Variants in PDGFA observed in about 807,000 individuals in gnomAD.
PDGFA encodes the protein platelet derived growth factor subunit A, also known as platelet-derived growth factor subunit A.
Under a neutral mutation model 25.6 loss-of-function variants are expected in PDGFA, and 9 were observed. That is an observed-to-expected ratio of 0.35 (90% CI 0.21 to 0.61). PDGFA has a LOEUF of 0.61. Ranked by LOEUF, PDGFA falls within the 20% of genes least tolerant of loss-of-function variation. The probability of loss-of-function intolerance (pLI) is 0.75; values close to 1 mark genes in which losing one functional copy is unlikely to be tolerated. For synonymous variants in PDGFA, 133 were observed against 111.8 expected (o/e 1.19, Z -1.20); for missense variants, 242 against 272.8 (o/e 0.89, Z 0.79).
In PDGFA at chr7:502,716, C is replaced by T. The variant is rs149195054; in HGVS notation, c.454-1474G>A. Among the ~76,000 whole-genome samples, 817 of 151,922 alleles carry T rather than the reference C, an allele frequency of 5.4e-3. 12 individuals are homozygous for T. The highest frequency in any genetic ancestry group is 0.019 in the African/African-American group (781 of 41,462). ...GGGGAGCTGCAGGCAGACAATGGCC[C>T]AGTCCAGGCCAGAGAGGGGAGCTTC... On this transcript the variant is annotated intron_variant, in intron 4 of 5. Transcript: ENST00000402802.
intron 4 of PDGFA, among the ~76,000 whole-genome samples, chr7:505,093 G>A (rs1020048623): frequency 6.6e-6 from 1 of 152,228 alleles, no homozygotes; most frequent in African/African-American, 2.4e-5. Context: ...GTCTGGCCAG[G>A]AAATAGCTAC....
intron 2 of PDGFA, among the ~76,000 whole-genome samples, chr7:513,621 G>A (rs1782963131): frequency 6.6e-6 from 1 of 152,118 alleles, no homozygotes; most frequent in African/African-American, 2.4e-5. Flanking sequence ...CTCCTGGGAA[G>A]CTTGGGAAGT....
At chr7:508,112 G>A (rs1370054370) in intron 4 of PDGFA, among the ~76,000 whole-genome samples, 7 of 152,234 alleles carry the variant, frequency 4.6e-5, no homozygotes, top group East Asian at 3.9e-4. Context: ...GTCGTGTGAC[G>A]AGGAAACGAC....
chr7:501,298 C>T (rs904013707), intron 4 of PDGFA, 56 bp from the exon 5 acceptor site: 30 of 1,607,168 alleles, frequency 1.9e-5, no homozygotes, highest in South Asian at 1.8e-4. Flanking sequence ...TCGGACATCA[C>T]GACGTGCTGG....
chr7:508,559 C>CAAAAAAAAAAAAAAAAAAAAAA (rs766165770), intron 4 of PDGFA, among the ~76,000 whole-genome samples: 1 of 35,664 alleles, frequency 2.8e-5, no homozygotes, highest in Non-Finnish European at 4.9e-5. Context: ...GAAGCTGTCC[C>CAAAAAAAAAAAAAAAAAAAAAA]AAAAAAAAAA....
In PDGFA at chr7:500,470, T is replaced by G; in HGVS notation, c.580+646A>C. ...TAGGTGGGTTTTAACCTTTTTCTTT[T>G]CCGTTTTTTACCTGACTCCCTAGGC... On this transcript the variant is annotated intron_variant, in intron 5 of 5. Transcript: ENST00000402802. The surrounding 1 kb of genome is among the most constrained non-coding windows in gnomAD (Gnocchi z 5.0). The G allele has an allele frequency of 6.2e-7, 1 of 1,614,076 alleles. No individual in the cohort carries two copies. Among genetic ancestry groups the G allele is most frequent in the South Asian group, 1.1e-5 (1 of 91,074 alleles).
At chr7:505,238 A>G (rs1178859768) in intron 4 of PDGFA, among the ~76,000 whole-genome samples, 1 of 152,190 alleles carries the variant, frequency 6.6e-6, no homozygotes, top group African/African-American at 2.4e-5. Flanking sequence ...CCAGGCCCCA[A>G]GCCGAAGCCC....
exon 5 of PDGFA, chr7:501,216 C>T: frequency 6.2e-7 from 1 of 1,614,208 alleles, no homozygotes; most frequent in Non-Finnish European, 8.5e-7. Flanking sequence ...ATTTTGGCTT[C>T]TTCCTGACGT....
At chr7:519,052 G>A (rs931892151) in exon 1 of PDGFA, 1 of 1,433,978 alleles carries the variant, frequency 7.0e-7, no homozygotes, top group Non-Finnish European at 9.4e-7. Flanking sequence ...CGCGGGGCGG[G>A]CGCTCCAGCC....
exon 6 of PDGFA, chr7:498,443 C>G: frequency 1.1e-6 from 1 of 929,370 alleles, no homozygotes; most frequent in Middle Eastern, 2.2e-4. Context: ...TGTTCTCGGA[C>G]ACAGTTTTTC....
At chr7:511,093 A>T in intron 3 of PDGFA, 97 bp from the exon 4 acceptor site, 1 of 933,322 alleles carries the variant, frequency 1.1e-6, no homozygotes, top group Non-Finnish European at 1.7e-6. Context: ...GGGGGCAACC[A>T]GGGTAAGCCA....
intron 2 of PDGFA, among the ~76,000 whole-genome samples, chr7:516,678 C>T (rs1241102027): frequency 6.6e-6 from 1 of 152,126 alleles, no homozygotes; most frequent in African/African-American, 2.4e-5. Context: ...CGTGGTCCAC[C>T]GGGGTCCCCC....
exon 6 of PDGFA, chr7:497,331 AAC>A (rs1369990158): frequency 6.6e-6 from 1 of 152,172 alleles, no homozygotes; most frequent in Non-Finnish European, 1.5e-5. Flanking sequence ...AGGTATACAA[AAC>A]AGGTAATATT....
chr7:507,210 G>T (rs1163036852), intron 4 of PDGFA, among the ~76,000 whole-genome samples: 1 of 152,252 alleles, frequency 6.6e-6, no homozygotes, highest in Admixed American at 6.5e-5. Flanking sequence ...TCGGATGGGT[G>T]GGCAGGGAGA....
At chr7:509,500 A>C (rs1485798301) in intron 4 of PDGFA, among the ~76,000 whole-genome samples, 3 of 152,066 alleles carry the variant, frequency 2.0e-5, no homozygotes, top group African/African-American at 4.8e-5. Flanking sequence ...CATGTTACCC[A>C]GGCTGGTCTT....
In PDGFA at chr7:511,146, C is replaced by T. The variant is rs1373095496; in HGVS notation, c.266-150G>A. The T allele has an allele frequency of 1.1e-5, 7 of 647,222 alleles. No individual in the cohort carries two copies. In the African/African-American group the frequency reaches 1.3e-4, roughly 12 times the overall value. 40.1% of individuals were successfully genotyped at this position (647,222 alleles called of 1,614,324 possible). Reference sequence around the variant, plus strand: ...CAGGCAGCAGAGGCTGAGCTGGGAGCAGAGGCTTAGGGGCTGGGTGGGCAG... The same window carrying T: ...CAGGCAGCAGAGGCTGAGCTGGGAGTAGAGGCTTAGGGGCTGGGTGGGCAG... On this transcript the variant is annotated intron_variant, in intron 3 of 5. Coordinates refer to ENST00000402802, the Ensembl canonical transcript of PDGFA.
exon 4 of PDGFA, chr7:510,971 C>T: frequency 1.2e-6 from 2 of 1,612,762 alleles, no homozygotes; most frequent in Non-Finnish European, 1.7e-6. Flanking sequence ...CCGTCCTGGT[C>T]TTGCAGACAG....
chr7:511,012 C>T lies in PDGFA; in HGVS notation c.266-16G>A. 6.2e-7 allele frequency: 1 copy of T among 1,607,062 alleles called. No individual in the cohort carries two copies. The highest frequency in any genetic ancestry group is 8.5e-7 in the Non-Finnish European group (1 of 1,175,964). On this transcript the variant is annotated splice_polypyrimidine_tract_variant and intron_variant, in intron 3 of 5. Coordinates refer to ENST00000402802, the Ensembl canonical transcript of PDGFA. The stretch of plus-strand genomic sequence containing the variant: ...ACAGCTTCCTCTGCAACGGCGGGGG[C>T]ACAGTGAGCGGGGACCGGCCTCTGC...
At chr7:512,604 G>C in intron 2 of PDGFA, 149 bp from the exon 3 acceptor site, 1 of 1,542,644 alleles carries the variant, frequency 6.5e-7, no homozygotes, top group Non-Finnish European at 8.7e-7. Flanking sequence ...CGCCATTAGG[G>C]GCCCTCCAGG....
Sources: gnomAD v4.1 joint callset for allele counts (sites outside exome capture counted in the v4.1 genomes callset) on GRCh38, gnomAD v4.1.1 for gene constraint, Gnocchi (gnomAD v3.1) non-coding constraint, MANE v1.5 for transcripts, NCBI Gene and HGNC (gene_info 2026-07-23, HGNC 2026-07-21) for gene names.